TCEA1: variants seen among roughly 807,000 people sequenced by gnomAD.
The protein encoded by TCEA1 is transcription elongation factor A protein 1.
Under a neutral mutation model 43.8 loss-of-function variants are expected in TCEA1, and 21 were observed. That is an observed-to-expected ratio of 0.48 (90% CI 0.34 to 0.69). TCEA1 has a LOEUF of 0.69. Ranked by LOEUF, TCEA1 falls within the 30% of genes least tolerant of loss-of-function variation. The pLI is 0.01. For missense variants in TCEA1, 250 were observed against 365.1 expected, an observed-to-expected ratio of 0.68 and a Z score of 2.57; for synonymous variants, 104 against 117.5, an observed-to-expected ratio of 0.88 and a Z score of 0.75.
chr8:54,016,518 C>A (rs1804832081), intron 1 of TCEA1, among the ~76,000 whole-genome samples: 1 of 151,970 alleles, frequency 6.6e-6, no homozygotes, highest in African/African-American at 2.4e-5. Flanking sequence ...CTGAAACAGC[C>A]CAAATGTCCA....
intron 2 of TCEA1, among the ~76,000 whole-genome samples, chr8:54,004,638 G>C (rs1387532541): frequency 2.0e-5 from 3 of 152,116 alleles, no homozygotes; most frequent in African/African-American, 7.2e-5. Flanking sequence ...CAGTTGGGGG[G>C]AACGGAGAAT....
At chr8:53,974,873 T>C (rs996426973) in intron 8 of TCEA1, among the ~76,000 whole-genome samples, 2 of 152,130 alleles carry the variant, frequency 1.3e-5, no homozygotes, top group Non-Finnish European at 2.9e-5. Flanking sequence ...TATGTAAAAA[T>C]AGAGCAGTAT....
At chr8:53,988,018 C>T in intron 5 of TCEA1, 96 bp downstream of exon 5, 1 of 1,420,826 alleles carries the variant, frequency 7.0e-7, no homozygotes, top group South Asian at 1.6e-5. Flanking sequence ...GGGCTATCCA[C>T]AGGGTAACAC....
In TCEA1 at chr8:54,004,150, T is replaced by G. The variant is rs955725490; in HGVS notation, c.127-4100A>C. ...AAACAACAACAAGTGTTTGCAAGGA[T>G]GCAGAGAAACTGGACCCCTCGTTTA... is the stretch of plus-strand genomic sequence containing the variant. On this transcript the variant is annotated intron_variant, in intron 2 of 9. Coordinates refer to ENST00000521604, the MANE Select transcript of TCEA1 (RefSeq NM_006756.4). Among the ~76,000 whole-genome samples, 7 of 152,156 alleles carry G rather than the reference T, an allele frequency of 4.6e-5. 1 individual carries two copies. Among genetic ancestry groups the G allele is most frequent in the African/African-American group, 1.7e-4 (7 of 41,438 alleles).
At chr8:54,001,139 A>G (rs1236397320) in intron 2 of TCEA1, among the ~76,000 whole-genome samples, 1 of 152,216 alleles carries the variant, frequency 6.6e-6, no homozygotes, top group Non-Finnish European at 1.5e-5. Context: ...AATTGTGCTC[A>G]AAGAACACAA....
Position 53,971,855 on chromosome 8 carries a change from G to A in TCEA1, c.826-1392C>T, listed in dbSNP as rs139978876. 74 of 215,488 alleles carry A rather than the reference G, an allele frequency of 3.4e-4. 1 individual carries two copies. In the East Asian group the frequency reaches 0.012, roughly 34 times the overall value. 13.3% of individuals were successfully genotyped at this position (215,488 alleles called of 1,614,324 possible). On this transcript the variant is annotated intron_variant, in intron 8 of 9. Transcript: ENST00000521604. The stretch of plus-strand genomic sequence containing the variant: ...CAAGAAAGCTAATCAAAAGGATTCT[G>A]AAAATAAAACTGATATAGATAATTC...
chr8:53,968,260 T>C (rs1287467777), intron 9 of TCEA1, 148 bp from the exon 10 acceptor site: 7 of 562,304 alleles, frequency 1.2e-5, no homozygotes, highest in East Asian at 3.0e-5. Context: ...TAATCACCTA[T>C]CTTAAGTGCC....
rs115410919 is a variant in TCEA1 at position 54,018,567 on chromosome 8, C to T, written c.63+3496G>A. Among the ~76,000 whole-genome samples the T allele has an allele frequency of 7.7e-3, 1,166 of 152,270 alleles. 15 individuals carry two copies. The highest frequency in any genetic ancestry group is 0.026 in the African/African-American group (1,078 of 41,542). On this transcript the variant is annotated intron_variant, in intron 1 of 9. Transcript: ENST00000521604. ...TAAAGTTCAGAAAAGTTCAGAAAAG[C>T]CAGGATTTGAACCCACATTAGCAGT...
intron 3 of TCEA1, among the ~76,000 whole-genome samples, chr8:53,994,952 C>A (rs1231657564): frequency 6.6e-6 from 1 of 151,756 alleles, no homozygotes; most frequent in African/African-American, 2.4e-5. Context: ...ATTTCAATAG[C>A]CCAAAGAAAC....
chr8:53,983,111 A>C (rs1024092576), intron 7 of TCEA1, among the ~76,000 whole-genome samples: 1 of 152,242 alleles, frequency 6.6e-6, no homozygotes, highest in African/African-American at 2.4e-5. Context: ...TTTCCAGAAA[A>C]ATAGTATGAC....
intron 8 of TCEA1, chr8:53,972,339 G>C (rs1224965999): frequency 4.1e-6 from 2 of 485,282 alleles, no homozygotes; most frequent in Non-Finnish European, 8.1e-6. Flanking sequence ...TGAGGATGAT[G>C]ATGCAAGTGA....
intron 1 of TCEA1, among the ~76,000 whole-genome samples, chr8:54,016,652 G>A (rs1006303365): frequency 2.2e-4 from 34 of 151,512 alleles, no homozygotes; most frequent in African/African-American, 7.5e-4. Context: ...CAGCTTGGCC[G>A]ACATGGTGAA....
At chr8:53,995,936 CCTT>C (rs1204729299) in intron 3 of TCEA1, among the ~76,000 whole-genome samples, 9 of 152,308 alleles carry the variant, frequency 5.9e-5, no homozygotes, top group South Asian at 2.1e-4. Context: ...TTTTACTGCT[CCTT>C]GTTATTCTCA....
Position 53,968,025 on chromosome 8 carries a change from C to G in TCEA1, c.*79G>C. 1 of 1,311,946 alleles carries G rather than the reference C, an allele frequency of 7.6e-7. No homozygotes were observed. The highest frequency in any genetic ancestry group is 1.0e-6 in the Non-Finnish European group (1 of 955,424). 81.3% of individuals were successfully genotyped at this position (1,311,946 alleles called of 1,614,324 possible). ...TTTAAAAATTTGATTTGCAGGAAAA[C>G]TAGTTGCTTGGCCTAGTTTAAAGCT... On this transcript the variant is annotated 3_prime_UTR_variant, in exon 10 of 10. Coordinates refer to ENST00000521604, the MANE Select transcript of TCEA1 (RefSeq NM_006756.4).
At position 53,984,514 on chromosome 8, in the gene TCEA1, A is replaced by G; in HGVS notation, c.527T>C (p.Ile176Thr). 6.3e-7 allele frequency: 1 copy of G among 1,579,264 alleles called. No homozygotes were observed. The highest frequency in any genetic ancestry group is 2.3e-5 in the East Asian group (1 of 44,324). Residue 176 changes from isoleucine to threonine, a missense_variant, in exon 7 of 10, where the codon ATA becomes ACA. Ile to Thr is a moderately conservative substitution (Grantham distance 89). This residue lies in a region of TCEA1 where 147 missense variants were observed against 160.3 expected (regional missense o/e 0.92). Transcript: ENST00000521604. ...EELGSQIEEA[I>T]YQEIRNTDMK... Reference sequence around the variant, plus strand: ...GTCTGTATTCCTTATTTCTTGATATATAGGTACCAGGCCGTTAAGGAAAAA... The same window carrying G: ...GTCTGTATTCCTTATTTCTTGATATGTAGGTACCAGGCCGTTAAGGAAAAA...
intron 7 of TCEA1, among the ~76,000 whole-genome samples, chr8:53,981,664 G>C (rs1195617274): frequency 6.6e-6 from 1 of 152,058 alleles, no homozygotes; most frequent in African/African-American, 2.4e-5. Flanking sequence ...CAATAGCTCT[G>C]ATGGAGACAT....
At chr8:53,972,460 G>C (rs550473177) in intron 8 of TCEA1, 2 of 518,862 alleles carry the variant, frequency 3.9e-6, no homozygotes, top group Non-Finnish European at 7.7e-6. Flanking sequence ...CATGCATGGA[G>C]AGAATCAGAT....
chr8:53,979,239 C>G, intron 7 of TCEA1, 68 bp from the exon 8 acceptor site: 2 of 1,393,018 alleles, frequency 1.4e-6, no homozygotes, highest in South Asian at 3.7e-5. Context: ...TGCTTTTATG[C>G]TCAATTAGCC....
intron 4 of TCEA1, 117 bp downstream of exon 4, chr8:53,993,551 C>T: frequency 1.4e-6 from 1 of 737,042 alleles, no homozygotes; most frequent in Non-Finnish European, 2.2e-6. Flanking sequence ...TTTACTACTT[C>T]CATTTGATTA....
Sources: gnomAD v4.1 joint callset for allele counts (sites outside exome capture counted in the v4.1 genomes callset) on GRCh38, gnomAD v4.1.1 for gene constraint, gnomAD v4.1.1 regional missense constraint, MANE v1.5 for transcripts, NCBI Gene and HGNC (gene_info 2026-07-23, HGNC 2026-07-21) for gene names.